UBXN2A: variants seen among roughly 807,000 people sequenced by gnomAD.
UBXN2A encodes the protein UBX domain-containing protein 2A.
Under a neutral mutation model 28.4 loss-of-function variants are expected in UBXN2A, and 28 were observed. The observed-to-expected ratio is 0.99, with a 90% CI of 0.73 to 1.35. The LOEUF is 1.35. UBXN2A is among the 40% of genes most tolerant of loss of function. The pLI is 0.00. For missense variants in UBXN2A, 253 were observed against 297.9 expected (o/e 0.85, Z 1.11); for synonymous variants, 97 against 103.6 (o/e 0.94, Z 0.39).
At chr2:23,931,378 G>A (rs961505299) in intron 1 of UBXN2A, among the ~76,000 whole-genome samples, 1 of 151,564 alleles carries the variant, frequency 6.6e-6, no homozygotes, top group Non-Finnish European at 1.5e-5. Context: ...CCTGAAAGGC[G>A]GAGGCTGCAG....
intron 6 of UBXN2A, among the ~76,000 whole-genome samples, chr2:23,990,837 A>G (rs1360574778): frequency 1.3e-5 from 2 of 152,148 alleles, no homozygotes; most frequent in Non-Finnish European, 2.9e-5. Flanking sequence ...CCAAAAACAT[A>G]ATGTAGAGAT....
intron 1 of UBXN2A, chr2:23,927,637 G>GGT (rs1553465181): frequency 7.9e-6 from 1 of 126,174 alleles, no homozygotes; most frequent in African/African-American, 2.7e-5. Flanking sequence ...AAGAGAAGGG[G>GGT]GGGGGGAAAC....
intron 1 of UBXN2A, among the ~76,000 whole-genome samples, chr2:23,957,883 C>T (rs1706708819): frequency 6.6e-6 from 1 of 152,136 alleles, no homozygotes; most frequent in African/African-American, 2.4e-5. Context: ...CCACCTTGGC[C>T]TCCCAAAGTG....
intron 6 of UBXN2A, among the ~76,000 whole-genome samples, chr2:23,991,546 G>A (rs1450415510): frequency 6.6e-6 from 1 of 151,732 alleles, no homozygotes; most frequent in African/African-American, 2.4e-5. Context: ...TCGGCTCACT[G>A]CAACTTCTGC....
At chr2:23,972,977 CTG>C (rs1167313219) in intron 3 of UBXN2A, among the ~76,000 whole-genome samples, 1 of 152,100 alleles carries the variant, frequency 6.6e-6, no homozygotes, top group Non-Finnish European at 1.5e-5. Flanking sequence ...GATCAATAAA[CTG>C]TCTGCTTTTT....
At chr2:23,955,199 G>A (rs1418690732) in intron 1 of UBXN2A, among the ~76,000 whole-genome samples, 7 of 152,104 alleles carry the variant, frequency 4.6e-5, no homozygotes, top group Non-Finnish European at 1.0e-4. Context: ...CCAAAGTGCT[G>A]GGATTACAGG....
At chr2:23,974,568 G>A (rs755645962) in intron 3 of UBXN2A, among the ~76,000 whole-genome samples, 11 of 151,004 alleles carry the variant, frequency 7.3e-5, no homozygotes, top group Non-Finnish European at 1.0e-4. Flanking sequence ...GGATGGTCTC[G>A]ATCTCTTGAC....
In UBXN2A at chr2:23,997,692, T is replaced by C. The variant is rs1473749303; in HGVS notation, c.585-1980T>C. 2.0e-5 allele frequency among the ~76,000 whole-genome samples: 3 copies of C among 152,066 alleles called. No individual in the cohort carries two copies. In the East Asian group the frequency reaches 5.8e-4, roughly 29 times the overall value. On this transcript the variant is annotated intron_variant, in intron 6 of 6. Transcript: ENST00000309033. ...CAGTCTCTTGATCTCGTGATCTGCC[T>C]GCCTCGGCCTCCCAAAGTGCTGGGA...
At chr2:23,972,149 T>G (rs1707448946) in intron 3 of UBXN2A, among the ~76,000 whole-genome samples, 1 of 152,082 alleles carries the variant, frequency 6.6e-6, no homozygotes, top group Non-Finnish European at 1.5e-5. Context: ...CACTTTGCAC[T>G]GATATTGCAA....
chr2:23,928,586 A>AT (rs1248156049), intron 1 of UBXN2A, among the ~76,000 whole-genome samples: 1 of 152,176 alleles, frequency 6.6e-6, no homozygotes, highest in Admixed American at 6.6e-5. Flanking sequence ...CAAAAAAAAA[A>AT]AAATAAAATT....
At chr2:23,977,165 GC>G in intron 4 of UBXN2A, 90 bp downstream of exon 4, 1 of 987,522 alleles carries the variant, frequency 1.0e-6, no homozygotes. Context: ...GGAGTTCAAG[GC>G]CAGCCGGGGA....
At chr2:23,986,572 A>G (rs1433643184) in intron 6 of UBXN2A, among the ~76,000 whole-genome samples, 1 of 151,772 alleles carries the variant, frequency 6.6e-6, no homozygotes, top group Non-Finnish European at 1.5e-5. Flanking sequence ...CAATAGTATC[A>G]GTTTGATGCA....
chr2:23,999,864 C>G lies in UBXN2A; in HGVS notation c.777C>G (p.His259Gln), dbSNP rs150980335. The change falls in exon 7 of 7, where the codon CAC becomes CAG. Residue 259 changes from histidine to glutamine, a missense_variant. Physicochemically the swap from His to Gln is conservative, Grantham distance 24 (BLOSUM62 0). Transcript: ENST00000309033. Reference protein sequence around the residue: ...KTASFRELSEH With the variant: ...KTASFRELSEQ Reference sequence around the variant, plus strand: ...CATCTTTTAGAGAACTTTCAGAGCACTGATTTTTGATAGACTAAGTGGAAA... The same window carrying G: ...CATCTTTTAGAGAACTTTCAGAGCAGTGATTTTTGATAGACTAAGTGGAAA... 1.5e-4 allele frequency: 247 copies of G among 1,609,884 alleles called. No individual in the cohort carries two copies. The African/African-American group carries it at 3.0e-3, about 20-fold the overall frequency.
intron 2 of UBXN2A, among the ~76,000 whole-genome samples, chr2:23,967,961 A>G (rs1031259000): frequency 2.6e-5 from 4 of 151,512 alleles, no homozygotes; most frequent in East Asian, 1.9e-4. Context: ...AGGTCTCACT[A>G]TGTTGCCCAG....
intron 1 of UBXN2A, among the ~76,000 whole-genome samples, chr2:23,929,645 G>A (rs550105431): frequency 2.0e-5 from 3 of 151,794 alleles, no homozygotes; most frequent in South Asian, 2.1e-4. Context: ...CCCGGGAGGC[G>A]GAGGTTGCAG....
chr2:23,970,300 A>G (rs1707359524), intron 2 of UBXN2A, among the ~76,000 whole-genome samples: 2 of 152,278 alleles, frequency 1.3e-5, no homozygotes, highest in Middle Eastern at 6.8e-3. Flanking sequence ...ACCTCAAAAA[A>G]CAGAACAAAA....
At chr2:23,935,574 AAC>A (rs895923598), upstream of UBXN2A, among the ~76,000 whole-genome samples, 1 of 152,256 alleles carries the variant, frequency 6.6e-6, no homozygotes, top group African/African-American at 2.4e-5. Context: ...GATAGTTATA[AAC>A]ACACATACAC....
chr2:23,971,271 T>G lies in UBXN2A; in HGVS notation c.42-5T>G, dbSNP rs764848767. On this transcript the variant is annotated splice_polypyrimidine_tract_variant and splice_region_variant and intron_variant, in intron 2 of 6. Coordinates refer to ENST00000309033, the MANE Select transcript of UBXN2A (RefSeq NM_181713.4). ...ATAGTGCCTGTTTTTCTTTATCTTG[T>G]TTAGGGTTTGTGAAACAGGATCTGA... The G allele has an allele frequency of 2.1e-5, 32 of 1,550,048 alleles. No individual in the cohort carries two copies. The highest frequency in any genetic ancestry group is 2.8e-5 in the Non-Finnish European group (32 of 1,138,090).
intron 1 of UBXN2A, among the ~76,000 whole-genome samples, chr2:23,947,552 T>C (rs1305233419): frequency 6.6e-6 from 1 of 152,234 alleles, no homozygotes; most frequent in Admixed American, 6.5e-5. Flanking sequence ...GATACATTTG[T>C]AGCAGCTCAC....
Sources: gnomAD v4.1 joint callset for allele counts (sites outside exome capture counted in the v4.1 genomes callset) on GRCh38, gnomAD v4.1.1 for gene constraint, MANE v1.5 for transcripts, NCBI Gene and HGNC (gene_info 2026-07-23, HGNC 2026-07-21) for gene names.